The following LUC7L2 variants were observed in gnomAD, a reference collection of about 807,000 sequenced individuals.
LUC7L2 encodes the protein putative RNA-binding protein Luc7-like 2.
A neutral mutation model predicts 52.8 loss-of-function variants in LUC7L2; 25 were observed. That is an observed-to-expected ratio of 0.47 (90% CI 0.34 to 0.66). The LOEUF (loss-of-function observed/expected upper bound fraction) is 0.66, where lower values mean the gene tolerates loss of function less well. Among genes scored for constraint, LUC7L2 ranks in the 30% least tolerant of loss-of-function variants. LUC7L2 has a pLI of 0.01. For synonymous variants in LUC7L2, 144 were observed against 160.9 expected, an observed-to-expected ratio of 0.89 and a Z score of 0.80; for missense variants, 328 against 497.8, an observed-to-expected ratio of 0.66 and a Z score of 3.25.
At chr7:139,377,289 C>G (rs544374620) in intron 2 of LUC7L2, among the ~76,000 whole-genome samples, 2 of 152,220 alleles carry the variant, frequency 1.3e-5, no homozygotes, top group African/African-American at 4.8e-5. Context: ...ACTGCTACCT[C>G]CACTGCCTGG....
chr7:139,373,772 A>G (rs1800574285), intron 1 of LUC7L2, among the ~76,000 whole-genome samples: 1 of 152,208 alleles, frequency 6.6e-6, no homozygotes. Context: ...TTGATTAGTA[A>G]AACTCCATGA....
chr7:139,423,115 T>TAAA lies in LUC7L2; in HGVS notation c.*780_*782dup, dbSNP rs1038883501. On this transcript the variant is annotated 3_prime_UTR_variant, in exon 10 of 10. Coordinates refer to ENST00000354926, the MANE Select transcript of LUC7L2 (RefSeq NM_016019.5). ...GAGTATAAAGGCTACACCCTTATTG[T>TAAA]AAAAAAATAATAATAATAAAATGAA... The TAAA allele has an allele frequency of 2.5e-6, 1 of 398,792 alleles. No homozygotes were observed. Among genetic ancestry groups the TAAA allele is most frequent in the Non-Finnish European group, 4.4e-6 (1 of 226,030 alleles). The allele number at this position is 398,792 out of a possible 1,614,324, so 24.7% of individuals were successfully genotyped here.
At chr7:139,342,847 T>C (rs530170357) in intron 1 of LUC7L2, among the ~76,000 whole-genome samples, 1 of 152,342 alleles carries the variant, frequency 6.6e-6, no homozygotes, top group African/African-American at 2.4e-5. Context: ...GACTTGGTAA[T>C]GGTTCTGAAA....
At chr7:139,376,183 G>A in intron 2 of LUC7L2, 27 bp downstream of exon 2, 1 of 1,608,852 alleles carries the variant, frequency 6.2e-7, no homozygotes, top group Non-Finnish European at 8.5e-7. Context: ...TGTATTGTTA[G>A]ATTACTGATA....
Position 139,412,182 on chromosome 7 carries a change from T to C in LUC7L2, c.780-369T>C, listed in dbSNP as rs1243563222. ...GGTTGGATCATTTGCATCCAGGAGT[T>C]CAAGACCACCCTAGGCAACAAAAAA... On this transcript the variant is annotated intron_variant, in intron 7 of 9. Transcript: ENST00000354926. Among the ~76,000 whole-genome samples the C allele has an allele frequency of 2.8e-4, 41 of 148,220 alleles. 1 individual carries two copies. Among genetic ancestry groups the C allele is most frequent in the Non-Finnish European group, 4.5e-4 (30 of 67,374 alleles).
At chr7:139,421,050 C>T (rs553690096) in intron 9 of LUC7L2, among the ~76,000 whole-genome samples, 1 of 152,216 alleles carries the variant, frequency 6.6e-6, no homozygotes, top group Non-Finnish European at 1.5e-5. Flanking sequence ...ATCTGCCTGC[C>T]TTGGCCTCCC....
rs1288064411 is a variant in LUC7L2, at chr7:139,360,236, G to T, written c.-26G>T. ...AGGGCCCGGTCTGCGCCCCACCCCCGCCCGTCCGCCCGCTACGCCGCCGCC... is the reference window on the plus strand; with the variant it reads ...AGGGCCCGGTCTGCGCCCCACCCCCTCCCGTCCGCCCGCTACGCCGCCGCC... On this transcript the variant is annotated 5_prime_UTR_variant, in exon 1 of 10. Coordinates refer to ENST00000354926, the MANE Select transcript of LUC7L2 (RefSeq NM_016019.5). The T allele has an allele frequency of 6.8e-7, 1 of 1,478,442 alleles. No homozygotes were observed. The highest frequency in any genetic ancestry group is 9.2e-7 in the Non-Finnish European group (1 of 1,088,674). The allele number at this position is 1,478,442 out of a possible 1,614,324, so 91.6% of individuals were successfully genotyped here.
At chr7:139,405,837 C>T in intron 5 of LUC7L2, 50 bp downstream of exon 5, 1 of 1,530,198 alleles carries the variant, frequency 6.5e-7, no homozygotes, top group Non-Finnish European at 8.7e-7. Context: ...GGTAAGACTA[C>T]AAATAAAAAG....
chr7:139,358,125 A>G (rs112437937), upstream of LUC7L2, among the ~76,000 whole-genome samples: 24,901 of 152,056 alleles, frequency 0.16, 2,132 homozygotes, highest in Middle Eastern at 0.27. Context: ...CTCCTGCCTC[A>G]GCCTCCGAGT....
chr7:139,364,009 AG>A (rs1172467516), intron 1 of LUC7L2, among the ~76,000 whole-genome samples: 1 of 103,854 alleles, frequency 9.6e-6, no homozygotes, highest in Non-Finnish European at 1.7e-5. Context: ...TTTTTGAGAC[AG>A]GGTCTCTGTT....
intron 1 of LUC7L2, among the ~76,000 whole-genome samples, chr7:139,346,534 G>A (rs1382012887): frequency 1.3e-5 from 2 of 152,224 alleles, no homozygotes; most frequent in Non-Finnish European, 2.9e-5. Flanking sequence ...ACATAAAGAT[G>A]TGGGCGAATT....
chr7:139,368,348 C>T (rs906724112), intron 1 of LUC7L2, among the ~76,000 whole-genome samples: 1 of 152,140 alleles, frequency 6.6e-6, no homozygotes, highest in Non-Finnish European at 1.5e-5. Flanking sequence ...TTATAGGTGT[C>T]TGCATTTAAA....
chr7:139,420,483 A>G (rs1230321265), intron 9 of LUC7L2, among the ~76,000 whole-genome samples: 1 of 152,054 alleles, frequency 6.6e-6, no homozygotes, highest in Non-Finnish European at 1.5e-5. Context: ...GATTACAGGC[A>G]TGAGCCACCA....
chr7:139,395,930 T>C (rs1294064874), intron 2 of LUC7L2, among the ~76,000 whole-genome samples: 1 of 152,190 alleles, frequency 6.6e-6, no homozygotes, highest in East Asian at 1.9e-4. Context: ...TTATAGGCAT[T>C]AGCCACTGTG....
chr7:139,390,528 C>G (rs906922889), intron 2 of LUC7L2, among the ~76,000 whole-genome samples: 9 of 150,544 alleles, frequency 6.0e-5, no homozygotes, highest in African/African-American at 2.2e-4. Context: ...TGCGTCTGGC[C>G]TAGTCTGTCT....
intron 2 of LUC7L2, among the ~76,000 whole-genome samples, chr7:139,386,443 C>T (rs1244711723): frequency 4.3e-5 from 6 of 140,706 alleles, no homozygotes; most frequent in East Asian, 2.0e-4. Context: ...CTCACTCTGT[C>T]GTCCAGGCTG....
At chr7:139,402,269 T>C (rs1317721322) in intron 4 of LUC7L2, 22 bp downstream of exon 4, 1 of 1,569,960 alleles carries the variant, frequency 6.4e-7, no homozygotes, top group African/African-American at 1.4e-5. Context: ...AATCATTTCA[T>C]TAGTACAAAG....
intron 8 of LUC7L2, chr7:139,416,025 TTTA>T (rs1437300269): frequency 7.5e-5 from 8 of 106,242 alleles, no homozygotes; most frequent in Non-Finnish European, 1.1e-4. Context: ...ATTTAAGAGT[TTTA>T]TTGAGGTATA....
intron 2 of LUC7L2, among the ~76,000 whole-genome samples, chr7:139,395,895 A>G (rs1223593598): frequency 1.3e-5 from 2 of 152,022 alleles, no homozygotes; most frequent in African/African-American, 4.8e-5. Flanking sequence ...TGATCCTCCC[A>G]CCTTGGCCCC....
Sources: gnomAD v4.1 joint callset for allele counts (sites outside exome capture counted in the v4.1 genomes callset) on GRCh38, gnomAD v4.1.1 for gene constraint, MANE v1.5 for transcripts, NCBI Gene and HGNC (gene_info 2026-07-23, HGNC 2026-07-21) for gene names.